Variants in NGLY1 observed in about 807,000 individuals in gnomAD.
NGLY1 encodes the protein peptide-N(4)-(N-acetyl-beta-glucosaminyl)asparagine amidase.
Under a neutral mutation model 84.6 loss-of-function variants are expected in NGLY1, and 68 were observed. The observed-to-expected ratio is 0.80, with a 90% CI of 0.66 to 0.98. The LOEUF (loss-of-function observed/expected upper bound fraction) is 0.98. Ranked by LOEUF, NGLY1 falls within the 50% of genes least tolerant of loss-of-function variation. The pLI is 0.00. For synonymous variants in NGLY1, 280 were observed against 275.2 expected (o/e 1.02, Z -0.17); for missense variants, 779 against 770.2 (o/e 1.01, Z -0.14).
chr3:25,779,710 C>T (rs965242790), intron 1 of NGLY1, among the ~76,000 whole-genome samples: 4 of 152,066 alleles, frequency 2.6e-5, no homozygotes, highest in Non-Finnish European at 5.9e-5. Flanking sequence ...AACCAAAAAC[C>T]AAATATTTTA....
rs774706254 is a variant in NGLY1 at position 25,751,228 on chromosome 3, C to T, written c.528G>A (p.Gln176=). Residue 176 remains glutamine, a synonymous_variant, in exon 4 of 12, where the codon CAG becomes CAA. Coordinates refer to ENST00000280700, the MANE Select transcript of NGLY1 (RefSeq NM_018297.4). The part of the protein sequence containing the change: ...AADSAILEVL[Q]SNIQHVLVYE... The stretch of plus-strand genomic sequence containing the variant: ...AGACCAGCACATGCTGAATGTTGGA[C>T]TGAAGAACTTCTAGAATGGCTGAGT... 1.2e-6 allele frequency: 2 copies of T among 1,602,526 alleles called. No homozygotes were observed. The highest frequency in any genetic ancestry group is 1.7e-5 in the Admixed American group (1 of 58,588).
chr3:25,722,602 C>T (rs11927840), intron 10 of NGLY1, among the ~76,000 whole-genome samples: 3,000 of 152,226 alleles, frequency 0.02, 103 homozygotes, highest in African/African-American at 0.068. Flanking sequence ...AGAAAATGTT[C>T]TTAAACTACT....
chr3:25,749,609 ATTGACGACAGGG>A, intron 4 of NGLY1: 1 of 1,460,326 alleles, frequency 6.8e-7, no homozygotes, highest in South Asian at 1.1e-5. Context: ...ACCCAGAGGT[ATTGACGACAGGG>A]TTCATAGAAG....
intron 6 of NGLY1, chr3:25,737,127 C>G (rs1705867852): frequency 2.3e-6 from 1 of 431,006 alleles, no homozygotes; most frequent in Non-Finnish European, 4.1e-6. Flanking sequence ...GTGCAAAGCA[C>G]CAGGCACAGT....
At chr3:25,783,508 AGGGGCG>A, upstream of NGLY1, 1 of 1,081,608 alleles carries the variant, frequency 9.2e-7, no homozygotes, top group East Asian at 5.6e-5. The surrounding 1 kb of genome is among the most constrained non-coding windows in gnomAD (Gnocchi z 4.5). Context: ...CTCGGCCGGC[AGGGGCG>A]GGGTCCTCGG....
chr3:25,767,428 C>G (rs958380187), intron 2 of NGLY1, among the ~76,000 whole-genome samples: 1 of 152,078 alleles, frequency 6.6e-6, no homozygotes, highest in Non-Finnish European at 1.5e-5. Flanking sequence ...AAAATATCGT[C>G]CAGTCAATAA....
chr3:25,769,289 A>C (rs1206800945), intron 2 of NGLY1, among the ~76,000 whole-genome samples: 1 of 152,172 alleles, frequency 6.6e-6, no homozygotes, highest in Non-Finnish European at 1.5e-5. Flanking sequence ...TGAACTTGAG[A>C]GGTGAAGGCT....
At chr3:25,721,164 C>T (rs1704968297) in intron 10 of NGLY1, among the ~76,000 whole-genome samples, 1 of 152,130 alleles carries the variant, frequency 6.6e-6, no homozygotes, top group Admixed American at 6.5e-5. Flanking sequence ...AATCATAGCT[C>T]ACTGAAGCCT....
intron 4 of NGLY1, chr3:25,749,379 CA>C: frequency 1.5e-6 from 1 of 658,162 alleles, no homozygotes; most frequent in Non-Finnish European, 2.6e-6. Context: ...AATGGATATG[CA>C]AAATGTGATA....
At chr3:25,737,238 G>T (rs1705873386) in intron 6 of NGLY1, 96 bp downstream of exon 6, 2 of 1,072,720 alleles carry the variant, frequency 1.9e-6, no homozygotes, top group Non-Finnish European at 2.6e-6. Flanking sequence ...GACTGACAAG[G>T]CCAAAAAGTA....
chr3:25,755,571 A>C (rs1706997318), intron 3 of NGLY1: 2 of 1,445,770 alleles, frequency 1.4e-6, no homozygotes, highest in Non-Finnish European at 1.9e-6. Flanking sequence ...GATTGGGCCC[A>C]AAAATATTCT....
intron 2 of NGLY1, among the ~76,000 whole-genome samples, 176 bp from the exon 3 acceptor site, chr3:25,764,487 C>T (rs1158456022): frequency 1.3e-5 from 2 of 151,966 alleles, no homozygotes; most frequent in Non-Finnish European, 2.9e-5. Flanking sequence ...TAAATAATGC[C>T]TAAACATAAA....
intron 6 of NGLY1, 113 bp from the exon 7 acceptor site, chr3:25,736,262 AT>A: frequency 1.3e-6 from 2 of 1,551,124 alleles, no homozygotes; most frequent in Non-Finnish European, 1.7e-6. Flanking sequence ...AATATTCTGA[AT>A]TTCAGTTAAT....
In NGLY1 at chr3:25,719,304, G is replaced by T. The variant is rs572044910; in HGVS notation, c.*156C>A. 3.9e-6 allele frequency: 2 copies of T among 517,454 alleles called. No homozygotes were observed. Among genetic ancestry groups the T allele is most frequent in the African/African-American group, 1.9e-5 (1 of 52,536 alleles). The allele number at this position is 517,454 out of a possible 1,614,324, so 32.1% of individuals were successfully genotyped here. On this transcript the variant is annotated 3_prime_UTR_variant, in exon 12 of 12. Transcript: ENST00000280700. Reference sequence around the variant, plus strand: ...AATTCAATATTTTATTATAGTCCACGTATAAAGATAATTTTCATGAGGGTT... The same window carrying T: ...AATTCAATATTTTATTATAGTCCACTTATAAAGATAATTTTCATGAGGGTT...
chr3:25,765,927 C>T (rs1707544883), intron 2 of NGLY1, among the ~76,000 whole-genome samples: 1 of 151,768 alleles, frequency 6.6e-6, no homozygotes, highest in South Asian at 2.1e-4. Context: ...ACAGGGGTCT[C>T]ACTCTTTTGC....
intron 5 of NGLY1, among the ~76,000 whole-genome samples, chr3:25,739,009 CCTAA>C (rs1705987377): frequency 6.6e-6 from 1 of 151,916 alleles, no homozygotes; most frequent in Non-Finnish European, 1.5e-5. Flanking sequence ...AGGGGAAGCA[CCTAA>C]CTAAAACAAA....
intron 3 of NGLY1, among the ~76,000 whole-genome samples, chr3:25,757,456 T>G (rs543847645): frequency 6.6e-6 from 1 of 152,334 alleles, no homozygotes; most frequent in South Asian, 2.1e-4. Flanking sequence ...TACGTGAAAG[T>G]TCTTTCAAAA....
intron 2 of NGLY1, among the ~76,000 whole-genome samples, chr3:25,766,641 G>A (rs1045264419): frequency 1.3e-5 from 2 of 152,122 alleles, no homozygotes; most frequent in East Asian, 3.9e-4. Flanking sequence ...ATATCTAGGA[G>A]GAGGCCTAGG....
At chr3:25,788,644 C>G (rs1708654273) in intron 1 of NGLY1, among the ~76,000 whole-genome samples, 1 of 152,150 alleles carries the variant, frequency 6.6e-6, no homozygotes, top group Non-Finnish European at 1.5e-5. Flanking sequence ...AGTTCAGCTT[C>G]AGAGAAAATA....
Sources: gnomAD v4.1 joint callset for allele counts (sites outside exome capture counted in the v4.1 genomes callset) on GRCh38, gnomAD v4.1.1 for gene constraint, Gnocchi (gnomAD v3.1) non-coding constraint, MANE v1.5 for transcripts, NCBI Gene and HGNC (gene_info 2026-07-23, HGNC 2026-07-21) for gene names.